Variants in FMN1 observed in about 807,000 individuals in gnomAD.
FMN1 encodes the protein formin 1.
FMN1 carries 110 observed loss-of-function variants against 132.4 expected under a neutral mutation model. The observed-to-expected ratio is 0.83, with a 90% confidence interval of 0.71 to 0.97. The LOEUF (loss-of-function observed/expected upper bound fraction) is 0.97. Among genes scored for constraint, FMN1 ranks in the 50% least tolerant of loss-of-function variants. The pLI is 0.00. For synonymous variants in FMN1, 722 were observed against 651.7 expected, an observed-to-expected ratio of 1.11 and a Z score of -1.64; for missense variants, 1,792 against 1,705.3, an observed-to-expected ratio of 1.05 and a Z score of -0.90.
chr15:33,097,316 AAGAGAG>A (rs3081677), intron 4 of FMN1, among the ~76,000 whole-genome samples: 5 of 147,246 alleles, frequency 3.4e-5, no homozygotes, highest in Non-Finnish European at 5.9e-5. Flanking sequence ...AAAAAAAAAA[AAGAGAG>A]AGAGAGAGAG....
At chr15:33,094,752 T>C (rs375973887) in intron 4 of FMN1, among the ~76,000 whole-genome samples, 62 of 152,208 alleles carry the variant, frequency 4.1e-4, no homozygotes, top group Admixed American at 6.5e-4. Flanking sequence ...TCCACGGTTT[T>C]CTCCTGTGAA....
At chr15:33,001,296 A>G (rs1325408745) in intron 7 of FMN1, among the ~76,000 whole-genome samples, 2 of 152,184 alleles carry the variant, frequency 1.3e-5, no homozygotes, top group Non-Finnish European at 2.9e-5. Flanking sequence ...AAAGAAAAAA[A>G]AAAGTGTAGC....
chr15:33,054,133 AT>A (rs1465474074), intron 6 of FMN1, among the ~76,000 whole-genome samples: 2 of 152,192 alleles, frequency 1.3e-5, no homozygotes, highest in Non-Finnish European at 2.9e-5. Flanking sequence ...TCTCATTTGC[AT>A]AAACTCAAGT....
At chr15:33,090,243 AT>A (rs1190101703) in intron 4 of FMN1, among the ~76,000 whole-genome samples, 10 of 152,288 alleles carry the variant, frequency 6.6e-5, no homozygotes, top group Admixed American at 5.9e-4. Context: ...GTAAGAGTCT[AT>A]TTGGCAGTCA....
Position 32,902,050 on chromosome 15 carries a change from A to T in FMN1, c.3378-10T>A. ...TAACTCATGTAAAAATCTGTAAAAA[A>T]GAAAATGTGTCATCTACCTTCACAT... On this transcript the variant is annotated splice_polypyrimidine_tract_variant and intron_variant, in intron 12 of 20. Transcript: ENST00000616417. 6.2e-7 allele frequency: 1 copy of T among 1,603,356 alleles called. No individual in the cohort carries two copies. Among genetic ancestry groups the T allele is most frequent in the Non-Finnish European group, 8.5e-7 (1 of 1,176,426 alleles).
chr15:32,961,118 G>T (rs1322771213), intron 9 of FMN1, among the ~76,000 whole-genome samples: 1 of 150,666 alleles, frequency 6.6e-6, no homozygotes. Context: ...GGGTCAGGTA[G>T]ATTCAGATAT....
At chr15:33,072,590 A>C (rs2038040670) in intron 5 of FMN1, among the ~76,000 whole-genome samples, 1 of 152,202 alleles carries the variant, frequency 6.6e-6, no homozygotes, top group African/African-American at 2.4e-5. Flanking sequence ...AGCTGTACAC[A>C]GATTGAAGGT....
intron 19 of FMN1, among the ~76,000 whole-genome samples, chr15:32,794,151 A>G (rs887421999): frequency 7.5e-6 from 1 of 133,762 alleles, no homozygotes; most frequent in East Asian, 2.3e-4. Context: ...CAAAAACCCT[A>G]TTGGTAGGTG....
chr15:32,892,180 T>C (rs2060047741), intron 15 of FMN1, among the ~76,000 whole-genome samples: 1 of 152,164 alleles, frequency 6.6e-6, no homozygotes, highest in African/African-American at 2.4e-5. Context: ...CAATATTATG[T>C]TGGCTGGGGG....
At chr15:32,973,023 C>G (rs1018114877) in intron 7 of FMN1, among the ~76,000 whole-genome samples, 5 of 152,120 alleles carry the variant, frequency 3.3e-5, no homozygotes, top group Non-Finnish European at 7.4e-5. Flanking sequence ...TTATTGATTT[C>G]TCTTGTCACC....
rs182991953 is a variant in FMN1, at chr15:33,125,460, A to G, written c.1867+27588T>C. Among the ~76,000 whole-genome samples, 370 of 152,292 alleles carry G rather than the reference A, an allele frequency of 2.4e-3. 2 individuals are homozygous for G. Among genetic ancestry groups the G allele is most frequent in the Non-Finnish European group, 4.3e-3 (292 of 68,016 alleles). The stretch of plus-strand genomic sequence containing the variant: ...ATGTGTAGAAGATTATTTAAAGGAA[A>G]TATCTAATGGGGTTATACAAATTAG... On this transcript the variant is annotated intron_variant, in intron 4 of 20. Transcript: ENST00000616417.
Position 33,057,757 on chromosome 15 carries a change from T to C in FMN1, c.2161+7200A>G, listed in dbSNP as rs563029688. Among the ~76,000 whole-genome samples the C allele has an allele frequency of 1.1e-4, 16 of 152,276 alleles. No individual in the cohort carries two copies. The South Asian group carries it at 3.1e-3, about 30-fold the overall frequency. On this transcript the variant is annotated intron_variant, in intron 6 of 20. Transcript: ENST00000616417. ...CTTCATCAAGTGCTTCCCTTTATCT[T>C]GGGGGGAAAAGTGCTTCCGAGTTTA...
chr15:33,157,947 G>C (rs1396399674), intron 3 of FMN1, among the ~76,000 whole-genome samples: 1 of 149,262 alleles, frequency 6.7e-6, no homozygotes, highest in Non-Finnish European at 1.5e-5. Context: ...TTGCGCCACT[G>C]CACCACTGTA....
At chr15:32,842,272 G>C (rs762202400) in intron 17 of FMN1, among the ~76,000 whole-genome samples, 1 of 152,094 alleles carries the variant, frequency 6.6e-6, no homozygotes, top group Non-Finnish European at 1.5e-5. Flanking sequence ...GTGACTGCAC[G>C]GGCTCTCAGA....
chr15:33,153,743 TG>T lies in FMN1; in HGVS notation c.1171del (p.Gln391LysfsTer27). 1 of 1,536,206 alleles carries T rather than the reference TG, an allele frequency of 6.5e-7. No homozygotes were observed. Among genetic ancestry groups the T allele is most frequent in the Non-Finnish European group, 8.7e-7 (1 of 1,146,928 alleles). ...HGSRRQGKER[Q>X]GDRSSQSPAG... Reference sequence around the variant, plus strand: ...TGGCGACTGCGATGACCTATCCCCTTGCCGCTCCTTGCCCTGCCGCCTGGAG... The same window carrying T: ...TGGCGACTGCGATGACCTATCCCCTTCCGCTCCTTGCCCTGCCGCCTGGAG... On this transcript the variant is annotated frameshift_variant, in exon 4 of 21. Transcript: ENST00000616417. LOFTEE classifies it high-confidence loss of function.
chr15:32,855,157 TAAAAAAA>T (rs750275479), intron 17 of FMN1, among the ~76,000 whole-genome samples: 1,401 of 85,496 alleles, frequency 0.016, 30 homozygotes, highest in African/African-American at 0.048. Context: ...ACGTGGAGAG[TAAAAAAA>T]AAAAAAAAAA....
At chr15:33,123,680 C>T (rs1050667512) in intron 4 of FMN1, among the ~76,000 whole-genome samples, 2 of 152,116 alleles carry the variant, frequency 1.3e-5, no homozygotes, top group African/African-American at 4.8e-5. Flanking sequence ...TTAAGTTTTC[C>T]AAGACATGAA....
rs368988373 is a variant in FMN1, at chr15:32,857,097, T to C, written c.3846A>G (p.Lys1282=). 1.5e-5 allele frequency: 25 copies of C among 1,613,296 alleles called. No homozygotes were observed. The African/African-American group carries it at 3.3e-4, about 22-fold the overall frequency. Residue 1282 remains lysine, a synonymous_variant, in exon 17 of 21, where the codon AAA becomes AAG. Transcript: ENST00000616417. ...KLKRQLEASE[K]QMVVVCKESP... ...ACTCCTTGCACACCACCACCATCTG[T>C]TTCTCACTTGCTGTGAAGAGAAATT... is the stretch of plus-strand genomic sequence containing the variant.
chr15:32,981,240 C>A (rs112659993), intron 7 of FMN1, among the ~76,000 whole-genome samples: 4 of 151,762 alleles, frequency 2.6e-5, no homozygotes, highest in African/African-American at 9.7e-5. Flanking sequence ...GCCTGTAATC[C>A]CAGCACTTTG....
Sources: allele counts gnomAD v4.1 joint callset (sites outside exome capture counted in the v4.1 genomes callset), GRCh38; gene constraint gnomAD v4.1.1; transcripts MANE v1.5; gene names NCBI Gene and HGNC (gene_info 2026-07-23, HGNC 2026-07-21).